Variants in SHISA6 observed in about 807,000 individuals in gnomAD.
SHISA6 encodes the protein protein shisa-6.
In SHISA6, 22 loss-of-function variants were observed where a neutral mutation model predicts 47.9. That is an observed-to-expected ratio of 0.46 (90% CI 0.33 to 0.66). The LOEUF (loss-of-function observed/expected upper bound fraction) is 0.66, where lower values mean the gene tolerates loss of function less well. SHISA6 is among the 30% of genes least tolerant of loss of function. SHISA6 has a pLI of 0.02. For synonymous variants in SHISA6, 388 were observed against 337.8 expected (o/e 1.15, Z -1.63); for missense variants, 680 against 764.6 (o/e 0.89, Z 1.30).
chr17:11,379,340 T>G, intron 2 of SHISA6, 74 bp from the exon 3 acceptor site: 2 of 1,080,458 alleles, frequency 1.9e-6, no homozygotes, highest in Non-Finnish European at 2.7e-6. Flanking sequence ...CACTGTTGGG[T>G]GAGATGCAGC....
chr17:11,516,024 C>G (rs1478703951), intron 3 of SHISA6, among the ~76,000 whole-genome samples: 1 of 152,206 alleles, frequency 6.6e-6, no homozygotes, highest in South Asian at 2.1e-4. Context: ...CAGGGATTCT[C>G]TCCACATAAA....
At chr17:11,249,770 A>G (rs1420617790) in intron 1 of SHISA6, among the ~76,000 whole-genome samples, 1 of 152,236 alleles carries the variant, frequency 6.6e-6, no homozygotes, top group Non-Finnish European at 1.5e-5. Context: ...AAGCAATGGT[A>G]AGTCATGGGG....
At chr17:11,314,028 C>T (rs1910423306) in intron 2 of SHISA6, among the ~76,000 whole-genome samples, 1 of 152,170 alleles carries the variant, frequency 6.6e-6, no homozygotes, top group South Asian at 2.1e-4. Flanking sequence ...GTGCTGTGAT[C>T]ATCCCAGTGA....
chr17:11,426,702 A>G (rs1914620518), intron 3 of SHISA6, among the ~76,000 whole-genome samples: 1 of 152,220 alleles, frequency 6.6e-6, no homozygotes, highest in African/African-American at 2.4e-5. Context: ...GAGTAAATAG[A>G]GATTTTTTAC....
chr17:11,526,110 AC>A (rs11393269), intron 3 of SHISA6, among the ~76,000 whole-genome samples: 7,902 of 146,926 alleles, frequency 0.054, 326 homozygotes, highest in African/African-American at 0.095. Flanking sequence ...TACCAAGGGG[AC>A]CCCCCCCCGC....
At chr17:11,433,297 T>C (rs1012389907) in intron 3 of SHISA6, among the ~76,000 whole-genome samples, 23 of 152,144 alleles carry the variant, frequency 1.5e-4, no homozygotes, top group African/African-American at 5.6e-4. Flanking sequence ...GTGTTCTCAT[T>C]GTTCAACTCC....
rs1284586395 is a variant in SHISA6, at chr17:11,320,897, AGT to A, written c.799+57374_799+57375del. Among the ~76,000 whole-genome samples, 21 of 152,314 alleles carry A rather than the reference AGT, an allele frequency of 1.4e-4. 1 individual carries two copies. The South Asian group carries it at 4.3e-3, about 32-fold the overall frequency. ...TCATTTTGTGAAAATGTATCATCTG[AGT>A]GTAATTCAGGGTGGGAAATGTGATA... On this transcript the variant is annotated intron_variant, in intron 2 of 5. Transcript: ENST00000441885.
At chr17:11,281,780 C>A (rs1013447600) in intron 2 of SHISA6, among the ~76,000 whole-genome samples, 1 of 152,156 alleles carries the variant, frequency 6.6e-6, no homozygotes, top group African/African-American at 2.4e-5. Flanking sequence ...TTTTAAACTA[C>A]AAGTTCAATT....
chr17:11,417,863 C>T (rs1417992876), intron 3 of SHISA6, among the ~76,000 whole-genome samples: 3 of 151,986 alleles, frequency 2.0e-5, no homozygotes, highest in Non-Finnish European at 4.4e-5. Context: ...AATGCTTAGT[C>T]GATCTAGGAA....
At chr17:11,467,846 A>G (rs1443747352) in intron 3 of SHISA6, among the ~76,000 whole-genome samples, 1 of 152,320 alleles carries the variant, frequency 6.6e-6, no homozygotes, top group East Asian at 1.9e-4. Flanking sequence ...TGGCGAACCA[A>G]GTACCCACTT....
chr17:11,429,554 G>C (rs1290866913), intron 3 of SHISA6, among the ~76,000 whole-genome samples: 2 of 151,570 alleles, frequency 1.3e-5, no homozygotes, highest in Non-Finnish European at 2.9e-5. Context: ...GCCAAGGCGG[G>C]TGGATCTCCT....
chr17:11,311,221 G>A (rs1910323819), intron 2 of SHISA6, among the ~76,000 whole-genome samples: 1 of 148,234 alleles, frequency 6.7e-6, no homozygotes, highest in Admixed American at 6.8e-5. Flanking sequence ...GGCAGAGGTT[G>A]CAGTGAGCCA....
At position 11,421,584 on chromosome 17, in the gene SHISA6, G is replaced by A. The variant is rs144179162; in HGVS notation, c.895+42075G>A. 4.0e-3 allele frequency among the ~76,000 whole-genome samples: 607 copies of A among 152,312 alleles called. 4 individuals are homozygous for A. Among genetic ancestry groups the A allele is most frequent in the Middle Eastern group, 6.8e-3 (2 of 294 alleles). The stretch of plus-strand genomic sequence containing the variant: ...GAAGACATGATACACCACGAGGTGG[G>A]AAGTGTGCAAGCTTTGAGAGTCTGT... On this transcript the variant is annotated intron_variant, in intron 3 of 5. Transcript: ENST00000441885.
chr17:11,333,662 A>C (rs1019358047), intron 2 of SHISA6, among the ~76,000 whole-genome samples: 1 of 152,008 alleles, frequency 6.6e-6, no homozygotes, highest in Non-Finnish European at 1.5e-5. Context: ...TTACAGATGC[A>C]TGCCACCATT....
chr17:11,291,957 G>A (rs939643413), intron 2 of SHISA6, among the ~76,000 whole-genome samples: 10 of 152,066 alleles, frequency 6.6e-5, no homozygotes, highest in African/African-American at 1.2e-4. Flanking sequence ...ATATGCATGC[G>A]TTGTGGAATG....
chr17:11,334,602 A>T (rs1434490778), intron 2 of SHISA6, among the ~76,000 whole-genome samples: 1 of 152,218 alleles, frequency 6.6e-6, no homozygotes, highest in Non-Finnish European at 1.5e-5. Context: ...AGTCCTGGCC[A>T]CAATGGCCTC....
chr17:11,350,033 G>A (rs1284943020), intron 2 of SHISA6, among the ~76,000 whole-genome samples: 1 of 151,768 alleles, frequency 6.6e-6, no homozygotes, highest in Admixed American at 6.6e-5. Context: ...CTTTCTGAAA[G>A]CCATAGAAAA....
At chr17:11,245,413 T>C (rs1449217267) in intron 1 of SHISA6, among the ~76,000 whole-genome samples, 1 of 152,130 alleles carries the variant, frequency 6.6e-6, no homozygotes. Context: ...TCCGCACAGC[T>C]CCCCTGAGGG....
Position 11,351,613 on chromosome 17 carries a change from G to A in SHISA6, c.800-27801G>A, listed in dbSNP as rs184604073. 3.3e-3 allele frequency among the ~76,000 whole-genome samples: 501 copies of A among 152,300 alleles called. 4 individuals are homozygous for A. Among genetic ancestry groups the A allele is most frequent in the African/African-American group, 0.011 (472 of 41,556 alleles). On this transcript the variant is annotated intron_variant, in intron 2 of 5. Transcript: ENST00000441885. ...ACAGCAGTGATCACATTTCATTACA[G>A]TTGTTTTGTTTGCACATCTCTATTT...
Sources: allele counts gnomAD v4.1 joint callset (sites outside exome capture counted in the v4.1 genomes callset), GRCh38; gene constraint gnomAD v4.1.1; transcripts MANE v1.5; gene names NCBI Gene and HGNC (gene_info 2026-07-23, HGNC 2026-07-21).